The following IGF2BP3 variants were observed in gnomAD, a reference collection of about 807,000 sequenced individuals.
The protein encoded by IGF2BP3 is insulin like growth factor 2 mRNA binding protein 3.
IGF2BP3 carries 9 observed loss-of-function variants against 73.8 expected under a neutral mutation model. The ratio of observed to expected loss-of-function variants is 0.12; its 90% CI spans 0.07 to 0.21. The LOEUF (loss-of-function observed/expected upper bound fraction) is 0.21. Ranked by LOEUF, IGF2BP3 falls within the 10% of genes least tolerant of loss-of-function variation. IGF2BP3 has a pLI of 1.00. For missense variants in IGF2BP3, 542 were observed against 714.0 expected, an observed-to-expected ratio of 0.76 and a Z score of 2.75; for synonymous variants, 258 against 256.7, an observed-to-expected ratio of 1.01 and a Z score of -0.05.
chr7:23,435,446 AAAGTTTT>A (rs1787786152), intron 2 of IGF2BP3, among the ~76,000 whole-genome samples: 1 of 129,770 alleles, frequency 7.7e-6, no homozygotes, highest in Non-Finnish European at 1.7e-5. Flanking sequence ...ACAAACATCT[AAAGTTTT>A]TTTTTTTTTC....
At chr7:23,315,666 T>G (rs1403749406) in intron 12 of IGF2BP3, among the ~76,000 whole-genome samples, 1 of 152,216 alleles carries the variant, frequency 6.6e-6, no homozygotes, top group Non-Finnish European at 1.5e-5. Context: ...CCAATGATCC[T>G]TAATGCCTCA....
At chr7:23,412,171 T>C (rs140925817) in intron 3 of IGF2BP3, among the ~76,000 whole-genome samples, 20 of 151,994 alleles carry the variant, frequency 1.3e-4, no homozygotes, top group Admixed American at 7.9e-4. Context: ...ATAGTAGAGA[T>C]TGGGTTTTGC....
intron 2 of IGF2BP3, among the ~76,000 whole-genome samples, chr7:23,430,816 T>C (rs1357497308): frequency 1.3e-5 from 2 of 152,206 alleles, no homozygotes; most frequent in African/African-American, 2.4e-5. Flanking sequence ...TCTTACATCA[T>C]TTCCTTAGGT....
chr7:23,344,243 T>A (rs1019212064), intron 8 of IGF2BP3, among the ~76,000 whole-genome samples: 2 of 152,222 alleles, frequency 1.3e-5, no homozygotes, highest in African/African-American at 4.8e-5. Context: ...TAACCTTTCA[T>A]AAGTATGTTC....
At chr7:23,425,576 A>G (rs2128539121) in intron 2 of IGF2BP3, among the ~76,000 whole-genome samples, 1 of 152,172 alleles carries the variant, frequency 6.6e-6, no homozygotes, top group South Asian at 2.1e-4. Flanking sequence ...GTCTCACTAC[A>G]TTCCCCAGGC....
intron 2 of IGF2BP3, among the ~76,000 whole-genome samples, chr7:23,460,191 A>AC (rs1272257865): frequency 6.7e-6 from 1 of 149,920 alleles, no homozygotes; most frequent in Admixed American, 6.7e-5. Context: ...AAAAAAAAAA[A>AC]AAAAACAAAA....
intron 3 of IGF2BP3, among the ~76,000 whole-genome samples, chr7:23,387,208 T>C (rs1448624527): frequency 1.3e-5 from 2 of 152,176 alleles, no homozygotes; most frequent in Non-Finnish European, 2.9e-5. Context: ...GAAGTCTTCC[T>C]CCTAGAAAGT....
intron 11 of IGF2BP3, among the ~76,000 whole-genome samples, chr7:23,318,500 C>T (rs1480858531): frequency 6.6e-6 from 1 of 152,172 alleles, no homozygotes; most frequent in African/African-American, 2.4e-5. Flanking sequence ...GCTGGGATTA[C>T]AGGTGTGAGC....
intron 2 of IGF2BP3, among the ~76,000 whole-genome samples, chr7:23,450,372 A>G: frequency 6.6e-6 from 1 of 152,192 alleles, no homozygotes; most frequent in South Asian, 2.1e-4. Flanking sequence ...TATCTGGCAG[A>G]TATTTTCTCA....
chr7:23,430,221 T>G (rs1164126102), intron 2 of IGF2BP3, among the ~76,000 whole-genome samples: 1 of 152,030 alleles, frequency 6.6e-6, no homozygotes, highest in Non-Finnish European at 1.5e-5. Flanking sequence ...GTAGCTGGGA[T>G]TACAGGCGCG....
intron 5 of IGF2BP3, 70 bp from the exon 6 acceptor site, chr7:23,351,656 C>A: frequency 1.3e-6 from 2 of 1,522,462 alleles, no homozygotes; most frequent in South Asian, 1.2e-5. Context: ...AGCAAAGCAA[C>A]ACCCATCTCT....
At chr7:23,432,638 A>ATTT (rs201185940) in intron 2 of IGF2BP3, among the ~76,000 whole-genome samples, 1 of 144,532 alleles carries the variant, frequency 6.9e-6, no homozygotes. Context: ...TCATTTTTTA[A>ATTT]TTTTTTTTTT....
chr7:23,351,491 T>C lies in IGF2BP3; in HGVS notation c.497A>G (p.Gln166Arg), dbSNP rs568078899. The change falls in exon 6 of 15, where the codon CAG (glutamine) becomes CGG (arginine). Residue 166 changes from glutamine to arginine, a missense_variant. Gln to Arg is a conservative substitution (Grantham distance 43). Around this residue, in one of 2 missense-constraint regions of IGF2BP3, gnomAD observed 239 missense variants for 241.9 expected, o/e 0.99. Coordinates refer to ENST00000258729, the MANE Select transcript of IGF2BP3 (RefSeq NM_006547.3). The stretch of plus-strand genomic sequence containing the variant: ...AAGCCCCCGGCGACCTCGGGGCTGC[T>C]GCAAGGGGTTTTGCTGGGCGGCCAT... ...DEMAAQQNPLQQPRGRRGLGQ... is the reference protein window; with the variant it reads ...DEMAAQQNPLRQPRGRRGLGQ... The C allele has an allele frequency of 1.8e-5, 29 of 1,614,012 alleles. No individual in the cohort carries two copies. The highest frequency in any genetic ancestry group is 2.1e-5 in the Non-Finnish European group (25 of 1,180,034).
intron 3 of IGF2BP3, among the ~76,000 whole-genome samples, chr7:23,391,660 T>G (rs551553492): frequency 6.6e-6 from 1 of 152,290 alleles, no homozygotes; most frequent in African/African-American, 2.4e-5. Flanking sequence ...GAATCAAGTA[T>G]CACCAAAGGC....
In IGF2BP3 at chr7:23,342,124, C is replaced by T. The variant is rs1006615168; in HGVS notation, c.1143G>A (p.Gly381=). Residue 381 remains glycine, a synonymous_variant, in exon 10 of 15, where the codon GGG becomes GGA. Coordinates refer to ENST00000258729, the MANE Select transcript of IGF2BP3 (RefSeq NM_006547.3). ...NALGLFPPTS[G]MPPPTSGPPS... ...GGGGCCCTGAGGTGGGAGGTGGCAT[C>T]CCTGAAGTGGGTGGGAACAGACCCA... 2.5e-6 allele frequency: 4 copies of T among 1,611,222 alleles called. No homozygotes were observed. The African/African-American group carries it at 4.0e-5, about 16-fold the overall frequency.
At chr7:23,405,540 G>C (rs529833600) in intron 3 of IGF2BP3, among the ~76,000 whole-genome samples, 1 of 152,152 alleles carries the variant, frequency 6.6e-6, no homozygotes, top group African/African-American at 2.4e-5. Flanking sequence ...AAGGGGAACC[G>C]GGCCGCACAG....
At chr7:23,459,628 C>T (rs1383486089) in intron 2 of IGF2BP3, among the ~76,000 whole-genome samples, 4 of 151,394 alleles carry the variant, frequency 2.6e-5, no homozygotes, top group East Asian at 2.0e-4. Flanking sequence ...GTCAGGAGTT[C>T]GAGACCAGCC....
intron 3 of IGF2BP3, among the ~76,000 whole-genome samples, chr7:23,367,446 C>CAAAAAAAAAAAAAAAAAA (rs778774496): frequency 3.7e-5 from 5 of 133,508 alleles, no homozygotes; most frequent in African/African-American, 1.6e-4. Flanking sequence ...TCTTAAAGGC[C>CAAAAAAAAAAAAAAAAAA]AAAAAAAAAA....
chr7:23,346,746 C>T (rs1457328071), intron 7 of IGF2BP3, among the ~76,000 whole-genome samples: 2 of 151,978 alleles, frequency 1.3e-5, no homozygotes, highest in African/African-American at 2.4e-5. Flanking sequence ...GCACATGCCA[C>T]CACGCTCATC....
Sources: allele counts gnomAD v4.1 joint callset (sites outside exome capture counted in the v4.1 genomes callset), GRCh38; gene constraint gnomAD v4.1.1; regional missense constraint gnomAD v4.1.1; transcripts MANE v1.5; gene names NCBI Gene and HGNC (gene_info 2026-07-23, HGNC 2026-07-21).